The following TERB1 variants were observed in gnomAD, a reference collection of about 807,000 sequenced individuals.
TERB1 encodes telomere repeat binding bouquet formation protein 1.
A neutral mutation model predicts 92.3 loss-of-function variants in TERB1; 63 were observed. That is an observed-to-expected ratio of 0.68 (90% CI 0.56 to 0.84). TERB1 has a LOEUF of 0.84. Among genes scored for constraint, TERB1 ranks in the 40% least tolerant of loss-of-function variants. TERB1 has a pLI of 0.00. For synonymous variants in TERB1, 252 were observed against 283.9 expected (o/e 0.89, Z 1.13); for missense variants, 709 against 843.7 (o/e 0.84, Z 1.98).
chr16:66,777,298 A>G lies in TERB1; in HGVS notation c.890T>C (p.Val297Ala). ...AAGCAGTAATGCCAGAAGTTTAGAA[A>G]CAATGTGGTACTTGGAGAGTACTAT... ...FGIVLSKYHI[V>A]SKLLALLLHE... The change falls in exon 11 of 19, where the codon GTT (valine) becomes GCT (alanine). Residue 297 changes from valine to alanine, a missense_variant. Transcript: ENST00000433154. 1 of 1,548,868 alleles carries G rather than the reference A, an allele frequency of 6.5e-7. No individual in the cohort carries two copies. Among genetic ancestry groups the G allele is most frequent in the Non-Finnish European group, 8.7e-7 (1 of 1,144,644 alleles).
At chr16:66,780,581 A>C (rs1291275725) in intron 9 of TERB1, among the ~76,000 whole-genome samples, 2 of 152,072 alleles carry the variant, frequency 1.3e-5, no homozygotes, top group Non-Finnish European at 2.9e-5. Flanking sequence ...CTCAAAAAAA[A>C]AAAAAGCACT....
At chr16:66,782,380 T>C (rs979027930) in intron 9 of TERB1, among the ~76,000 whole-genome samples, 2 of 152,012 alleles carry the variant, frequency 1.3e-5, no homozygotes, top group Non-Finnish European at 2.9e-5. Context: ...TGAAACCCCA[T>C]CTCTACTAAA....
intron 12 of TERB1, among the ~76,000 whole-genome samples, chr16:66,774,347 G>A (rs1485576256): frequency 1.3e-5 from 2 of 151,584 alleles, no homozygotes; most frequent in Non-Finnish European, 2.9e-5. Flanking sequence ...CAACACGCCC[G>A]GCTAATTTTT....
In TERB1 at chr16:66,764,212, G is replaced by A. The variant is rs186222695; in HGVS notation, c.1780+3203C>T. The stretch of plus-strand genomic sequence containing the variant: ...AGTTGAGAGGTTACTTTAGTAGTCC[G>A]CAAAATAAATGAAGGGATTTTGAAA... On this transcript the variant is annotated intron_variant, in intron 16 of 18. Coordinates refer to ENST00000433154, the MANE Select transcript of TERB1 (RefSeq NM_001136505.2). 7.2e-5 allele frequency among the ~76,000 whole-genome samples: 11 copies of A among 152,282 alleles called. No homozygotes were observed. The East Asian group carries it at 1.5e-3, about 21-fold the overall frequency.
At chr16:66,759,861 C>T (rs1436539036) in intron 16 of TERB1, among the ~76,000 whole-genome samples, 2 of 145,178 alleles carry the variant, frequency 1.4e-5, no homozygotes, top group East Asian at 2.0e-4. Flanking sequence ...CTAGAGCGGG[C>T]GCAGTGGCTC....
rs1399445977 is a variant in TERB1, at chr16:66,759,284, A to G, written c.1787T>C (p.Ile596Thr). ...GCTATTCAGGGATTTTTCTACTGCT[A>G]TGCAACCTAAAAGAAAACAAATTAA... ...EMLTYRCSGC[I>T]AVEKSLNSRN... Residue 596 changes from isoleucine (I) to threonine (T), a missense_variant, in exon 17 of 19, where the codon ATA becomes ACA. Transcript: ENST00000433154. The G allele has an allele frequency of 2.0e-6, 3 of 1,531,844 alleles. No homozygotes were observed. The highest frequency in any genetic ancestry group is 2.8e-5 in the African/African-American group (2 of 71,754). 94.9% of individuals were successfully genotyped at this position (1,531,844 alleles called of 1,614,324 possible).
At chr16:66,772,551 G>T in intron 13 of TERB1, 38 bp downstream of exon 13, 1 of 1,502,366 alleles carries the variant, frequency 6.7e-7, no homozygotes, top group South Asian at 1.3e-5. Flanking sequence ...TTAAAAATTT[G>T]AAAAAAGTTC....
intron 5 of TERB1, among the ~76,000 whole-genome samples, chr16:66,790,392 G>A (rs143203039): frequency 4.1e-5 from 6 of 146,426 alleles, no homozygotes; most frequent in African/African-American, 1.0e-4. Flanking sequence ...GGAAAGGAAC[G>A]GAAAGGAAAG....
At chr16:66,758,949 T>A (rs546700685) in intron 17 of TERB1, 111 bp from the exon 18 acceptor site, 2 of 952,170 alleles carry the variant, frequency 2.1e-6, no homozygotes, top group Non-Finnish European at 3.2e-6. Flanking sequence ...AATACTTAGA[T>A]AGATTAGGAA....
chr16:66,760,130 CAA>C (rs148772308), intron 16 of TERB1, among the ~76,000 whole-genome samples: 10 of 23,386 alleles, frequency 4.3e-4, no homozygotes, highest in East Asian at 3.1e-3. Flanking sequence ...GACTCCATCT[CAA>C]AAAAAAAAAA....
At chr16:66,767,115 G>A (rs2018359230) in intron 16 of TERB1, among the ~76,000 whole-genome samples, 1 of 151,732 alleles carries the variant, frequency 6.6e-6, no homozygotes, top group African/African-American at 2.4e-5. Context: ...GATCATTTGA[G>A]GTCAGGAGTT....
chr16:66,762,531 T>C (rs2018269396), intron 16 of TERB1, among the ~76,000 whole-genome samples: 1 of 151,700 alleles, frequency 6.6e-6, no homozygotes, highest in African/African-American at 2.4e-5. Flanking sequence ...ACTACAGGCA[T>C]GCTCCACCAC....
At chr16:66,772,451 C>T (rs1456957236) in intron 13 of TERB1, 138 bp downstream of exon 13, 11 of 748,712 alleles carry the variant, frequency 1.5e-5, no homozygotes, top group Non-Finnish European at 2.1e-5. Flanking sequence ...CACTGCACTC[C>T]AACCTGGGCA....
intron 12 of TERB1, 51 bp downstream of exon 12, chr16:66,775,067 T>C (rs968228683): frequency 3.9e-6 from 6 of 1,529,030 alleles, no homozygotes; most frequent in Non-Finnish European, 5.3e-6. Flanking sequence ...AGAAATAAAT[T>C]CTCCTTTATA....
In TERB1 at chr16:66,770,181, G is replaced by C; in HGVS notation, c.1401C>G (p.Ser467Arg). 1 of 1,552,236 alleles carries C rather than the reference G, an allele frequency of 6.4e-7. No homozygotes were observed. The highest frequency in any genetic ancestry group is 1.2e-5 in the South Asian group (1 of 84,052). ...RGSKAEDEDK[S>R]HSRQLQSYKS... Reference sequence around the variant, plus strand: ...TATAACTCTGTAACTGTCTAGAATGGCTTTTATCCTCATCTTCTGCTTTGC... The same window carrying C: ...TATAACTCTGTAACTGTCTAGAATGCCTTTTATCCTCATCTTCTGCTTTGC... The change falls in exon 14 of 19, where the codon AGC (serine) becomes AGG (arginine). Residue 467 changes from serine (S) to arginine (R), a missense_variant. Physicochemically the swap from Ser to Arg is moderately radical, Grantham distance 110. Transcript: ENST00000433154.
chr16:66,766,506 A>G (rs2018349431), intron 16 of TERB1, among the ~76,000 whole-genome samples: 1 of 152,210 alleles, frequency 6.6e-6, no homozygotes, highest in Non-Finnish European at 1.5e-5. Flanking sequence ...GAACATTTAC[A>G]AGAGCCCTGC....
chr16:66,771,314 G>GCC (rs2018446941), intron 13 of TERB1, among the ~76,000 whole-genome samples: 3 of 152,156 alleles, frequency 2.0e-5, no homozygotes, highest in African/African-American at 4.8e-5. Flanking sequence ...GGGGAAACAT[G>GCC]TACTCTTAAA....
rs561778817 is a variant in TERB1, at chr16:66,775,945, C to T, written c.986-702G>A. On this transcript the variant is annotated intron_variant, in intron 11 of 18. Coordinates refer to ENST00000433154, the MANE Select transcript of TERB1 (RefSeq NM_001136505.2). ...CAAGCTGGTCTTGAACTCCTGACCTCGTGATCTGCCCACCTCAGCCTCTCA... is the reference window on the plus strand; with the variant it reads ...CAAGCTGGTCTTGAACTCCTGACCTTGTGATCTGCCCACCTCAGCCTCTCA... Among the ~76,000 whole-genome samples, 5 of 151,966 alleles carry T rather than the reference C, an allele frequency of 3.3e-5. No homozygotes were observed. In the East Asian group the frequency reaches 7.9e-4, roughly 24 times the overall value.
intron 16 of TERB1, among the ~76,000 whole-genome samples, chr16:66,765,849 A>ATTTTTTTTT (rs10564947): frequency 1.4e-4 from 9 of 62,504 alleles, no homozygotes; most frequent in Non-Finnish European, 1.9e-4. Flanking sequence ...ACTATTGGGT[A>ATTTTTTTTT]TTTTTTTTTT....
Sources: gnomAD v4.1 joint callset for allele counts (sites outside exome capture counted in the v4.1 genomes callset) on GRCh38, gnomAD v4.1.1 for gene constraint, MANE v1.5 for transcripts, NCBI Gene and HGNC (gene_info 2026-07-23, HGNC 2026-07-21) for gene names.